The following ILDR1 variants were observed in gnomAD, a reference collection of about 807,000 sequenced individuals.
ILDR1 encodes the protein immunoglobulin like domain containing receptor 1, also known as immunoglobulin-like domain-containing receptor 1.
In ILDR1, 56 loss-of-function variants were observed where a neutral mutation model predicts 62.4. The ratio of observed to expected loss-of-function variants is 0.90; its 90% CI spans 0.72 to 1.12. The LOEUF (loss-of-function observed/expected upper bound fraction) is 1.12, where lower values mean the gene tolerates loss of function less well. Ranked by LOEUF, ILDR1 falls within the 50% of genes most tolerant of loss-of-function variation. The pLI is 0.00. For missense variants in ILDR1, 736 were observed against 710.6 expected (o/e 1.04, Z -0.41); for synonymous variants, 284 against 277.8 (o/e 1.02, Z -0.22).
chr3:122,001,965 A>G, intron 3 of ILDR1, 101 bp from the exon 4 acceptor site: 1 of 1,359,174 alleles, frequency 7.4e-7, no homozygotes, highest in South Asian at 1.2e-5. Context: ...AAGACCTTGT[A>G]TTTACAAAAA....
the ILDR1 span, among the ~76,000 whole-genome samples, chr3:122,037,069 T>C: frequency 2.0e-5 from 3 of 152,202 alleles, no homozygotes; most frequent in Admixed American, 2.0e-4. Flanking sequence ...AGAGGATGTA[T>C]GGAAATGCCT....
rs2071279032 is a variant in ILDR1, at chr3:121,988,147, A to C, written c.*220T>G. The C allele has an allele frequency of 1.6e-6, 1 of 634,882 alleles. No individual in the cohort carries two copies. The highest frequency in any genetic ancestry group is 1.8e-5 in the African/African-American group (1 of 55,444). The allele number at this position is 634,882 out of a possible 1,614,324, so 39.3% of individuals were successfully genotyped here. On this transcript the variant is annotated 3_prime_UTR_variant, in exon 8 of 8. Transcript: ENST00000344209. Reference sequence around the variant, plus strand: ...AGGCTGATCTTGAACTCCTAGTCTCAAGTGATTCTTAGCCTCCCAAAGTGC... The same window carrying C: ...AGGCTGATCTTGAACTCCTAGTCTCCAGTGATTCTTAGCCTCCCAAAGTGC...
Position 121,993,391 on chromosome 3 carries a change from C to CG in ILDR1, c.1357dup (p.Arg453ProfsTer30), listed in dbSNP as rs759967990. 2.5e-6 allele frequency: 4 copies of CG among 1,613,124 alleles called. No homozygotes were observed. The highest frequency in any genetic ancestry group is 2.2e-5 in the South Asian group (2 of 91,032). On this transcript the variant is annotated frameshift_variant, in exon 7 of 8. Transcript: ENST00000344209. LOFTEE classifies it high-confidence loss of function. ...TCTCCCGTGCCTCTGAGTGCTCTCC[C>CG]GGGGGCTGGGCCTGCGGGGCCTCTC... is the stretch of plus-strand genomic sequence containing the variant.
At chr3:122,027,484 C>G in the ILDR1 span, among the ~76,000 whole-genome samples, 1 of 152,166 alleles carries the variant, frequency 6.6e-6, no homozygotes, top group Non-Finnish European at 1.5e-5. Context: ...GCCACTGCGC[C>G]TGGCCTGAAA....
the ILDR1 span, among the ~76,000 whole-genome samples, chr3:122,046,820 C>A: frequency 2.2e-5 from 3 of 135,700 alleles, no homozygotes; most frequent in African/African-American, 8.3e-5. Context: ...ATACATTCTT[C>A]TAAATTTTTT....
Position 121,993,855 on chromosome 3 carries a change from C to G in ILDR1, c.894G>C (p.Leu298=). The change falls in exon 7 of 8, where the codon CTG becomes CTC. Residue 298 remains leucine, a synonymous_variant. Coordinates refer to ENST00000344209, the MANE Select transcript of ILDR1 (RefSeq NM_001199799.2). ...YLEKELRNLN[L]AQPLPPDLKG... is the part of the protein sequence containing the mutation. ...TGAGGTCAGGGGGCAGAGGCTGGGCCAGGTTGAGGTTCCGCAGTTCTTTCT... is the reference window on the plus strand; with the variant it reads ...TGAGGTCAGGGGGCAGAGGCTGGGCGAGGTTGAGGTTCCGCAGTTCTTTCT... The G allele has an allele frequency of 6.2e-7, 1 of 1,614,092 alleles. No homozygotes were observed. The highest frequency in any genetic ancestry group is 2.2e-5 in the East Asian group (1 of 44,868).
Position 122,001,744 on chromosome 3 carries a change from C to T in ILDR1, c.499+1G>A, listed in dbSNP as rs766399150. 1.7e-5 allele frequency: 27 copies of T among 1,612,162 alleles called. No individual in the cohort carries two copies. The highest frequency in any genetic ancestry group is 3.3e-5 in the South Asian group (3 of 91,004). ...GAATAGAAAGCTCCAGTAGCACTTA[C>T]GTAGGACGATGAGCTTTACTTCCTT... On this transcript the variant is annotated splice_donor_variant, in intron 4 of 7. Transcript: ENST00000344209. LOFTEE classifies it high-confidence loss of function.
At chr3:122,055,441 G>T in the ILDR1 span, 1 of 1,600,944 alleles carries the variant, frequency 6.2e-7, no homozygotes, top group Non-Finnish European at 8.6e-7. Context: ...CAGACACACG[G>T]ATGAGTGGGG....
chr3:121,996,826 T>C (rs765124143), intron 5 of ILDR1, among the ~76,000 whole-genome samples: 6 of 152,228 alleles, frequency 3.9e-5, no homozygotes, highest in Non-Finnish European at 8.8e-5. Flanking sequence ...AACAACCCTT[T>C]GGTCACCATT....
At chr3:122,002,922 G>A (rs961604550) in intron 3 of ILDR1, among the ~76,000 whole-genome samples, 3 of 152,166 alleles carry the variant, frequency 2.0e-5, no homozygotes, top group African/African-American at 7.2e-5. Flanking sequence ...TCTGACAAAT[G>A]TCTAATATCC....
the ILDR1 span, among the ~76,000 whole-genome samples, chr3:122,049,716 C>T: frequency 1.3e-5 from 2 of 152,142 alleles, no homozygotes; most frequent in African/African-American, 4.8e-5. Context: ...ACTTAATCCC[C>T]ATTGTGGTGG....
At chr3:122,029,439 G>A in the ILDR1 span, among the ~76,000 whole-genome samples, 88 of 151,196 alleles carry the variant, frequency 5.8e-4, no homozygotes, top group Non-Finnish European at 2.8e-4. Context: ...CCAAGGTAGC[G>A]GAGTTTGCAG....
At chr3:122,024,328 G>A (rs2071903762), upstream of ILDR1, among the ~76,000 whole-genome samples, 4 of 152,198 alleles carry the variant, frequency 2.6e-5, no homozygotes, top group South Asian at 8.3e-4. Context: ...GTTTAGGGCA[G>A]ATGCTCCACA....
chr3:122,001,336 AC>A lies in ILDR1; in HGVS notation c.617del (p.Cys206PhefsTer18). ...YCCCYIRCPCCPAHCCCPEEA... is the reference protein window; with the variant it reads ...YCCCYIRCPCXPAHCCCPEEA... ...CCTCAGGACAGCAGCAGTGGGCAGGACAGCAGGGACAGCGGATATAGCAGCA... is the reference window on the plus strand; with the variant it reads ...CCTCAGGACAGCAGCAGTGGGCAGGAAGCAGGGACAGCGGATATAGCAGCA... On this transcript the variant is annotated frameshift_variant, in exon 5 of 8. Coordinates refer to ENST00000344209, the MANE Select transcript of ILDR1 (RefSeq NM_001199799.2). LOFTEE classifies it high-confidence loss of function. 6.2e-7 allele frequency: 1 copy of A among 1,614,168 alleles called. No individual in the cohort carries two copies. Among genetic ancestry groups the A allele is most frequent in the Non-Finnish European group, 8.5e-7 (1 of 1,180,034 alleles).
At chr3:122,057,163 T>C in the ILDR1 span, among the ~76,000 whole-genome samples, 1 of 152,242 alleles carries the variant, frequency 6.6e-6, no homozygotes, top group Non-Finnish European at 1.5e-5. Context: ...CTAGTGGTGA[T>C]ATCATCTTTC....
intron 1 of ILDR1, among the ~76,000 whole-genome samples, chr3:122,016,157 C>T (rs926331682): frequency 6.6e-6 from 1 of 152,234 alleles, no homozygotes; most frequent in African/African-American, 2.4e-5. Context: ...AGCTCCTATC[C>T]AGCAGTCTTG....
At chr3:121,994,939 CCTT>C (rs973318242) in intron 5 of ILDR1, among the ~76,000 whole-genome samples, 9 of 152,070 alleles carry the variant, frequency 5.9e-5, no homozygotes, top group African/African-American at 2.2e-4. Flanking sequence ...ACTCTTCCCG[CCTT>C]ATTAAGTATT....
the ILDR1 span, among the ~76,000 whole-genome samples, chr3:122,050,159 T>A: frequency 0.033 from 5,072 of 152,308 alleles, 266 homozygotes; most frequent in African/African-American, 0.12. Context: ...TGTTCTTAAA[T>A]CTAAAGTGAA....
chr3:122,018,042 G>A (rs2071801231), intron 1 of ILDR1, among the ~76,000 whole-genome samples: 1 of 152,144 alleles, frequency 6.6e-6, no homozygotes. Flanking sequence ...CCACTACTGG[G>A]CATATATCCA....
Sources: allele counts gnomAD v4.1 joint callset (sites outside exome capture counted in the v4.1 genomes callset), GRCh38; gene constraint gnomAD v4.1.1; transcripts MANE v1.5; gene names NCBI Gene and HGNC (gene_info 2026-07-23, HGNC 2026-07-21).